FARP1: variants seen among roughly 807,000 people sequenced by gnomAD.
FARP1 encodes the protein FERM, ARHGEF and pleckstrin domain-containing protein 1.
In FARP1, 52 loss-of-function variants were observed where a neutral mutation model predicts 128.8. That is an observed-to-expected ratio of 0.40 (90% CI 0.32 to 0.51). The LOEUF (loss-of-function observed/expected upper bound fraction) is 0.51. Ranked by LOEUF, FARP1 falls within the 20% of genes least tolerant of loss-of-function variation. The pLI is 0.45. For synonymous variants in FARP1, 580 were observed against 551.8 expected, an observed-to-expected ratio of 1.05 and a Z score of -0.72; for missense variants, 1,333 against 1,367.9, an observed-to-expected ratio of 0.97 and a Z score of 0.40.
chr13:98,295,270 A>G lies in FARP1; in HGVS notation c.172-48492A>G, dbSNP rs1885636370. Among the ~76,000 whole-genome samples, 3 of 152,064 alleles carry G rather than the reference A, an allele frequency of 2.0e-5. No homozygotes were observed. The South Asian group carries it at 6.2e-4, about 32-fold the overall frequency. ...TATTAAATTTTAGGGCAGGAATCGT[A>G]AATTGATTTTTATTCCACTGCCAAG... On this transcript the variant is annotated intron_variant, in intron 2 of 26. Transcript: ENST00000319562.
intron 11 of FARP1, among the ~76,000 whole-genome samples, chr13:98,392,210 C>A (rs1890330320): frequency 6.6e-6 from 1 of 150,636 alleles, no homozygotes; most frequent in Non-Finnish European, 1.5e-5. Context: ...GGAGGCCGGG[C>A]ACAATGGCAC....
At chr13:98,438,679 G>A in intron 19 of FARP1, 125 bp from the exon 20 acceptor site, 1 of 718,828 alleles carries the variant, frequency 1.4e-6, no homozygotes, top group Non-Finnish European at 2.4e-6. Flanking sequence ...GTCCGTTCTT[G>A]GGGTCTGCAC....
intron 2 of FARP1, among the ~76,000 whole-genome samples, chr13:98,235,625 C>T (rs954074248): frequency 7.8e-4 from 119 of 152,212 alleles, no homozygotes; most frequent in African/African-American, 2.6e-3. Context: ...TTTAAGTACA[C>T]GTTTCACTAG....
chr13:98,392,295 G>C (rs963957630), intron 11 of FARP1, among the ~76,000 whole-genome samples: 21 of 146,282 alleles, frequency 1.4e-4, no homozygotes, highest in Non-Finnish European at 2.5e-4. Context: ...GACCAGCCTG[G>C]GTAACATGAC....
At chr13:98,415,437 ATGAATGAATGAG>A (rs57685767) in intron 16 of FARP1, among the ~76,000 whole-genome samples, 22,280 of 152,088 alleles carry the variant, frequency 0.15, 2,270 homozygotes, top group East Asian at 0.3. Flanking sequence ...GAATATATTA[ATGAATGAATGAG>A]TGAATGAATG....
At position 98,451,876 on chromosome 13, in the gene FARP1, T is replaced by C. The variant is rs1329703738; in HGVS notation, c.*3559T>C. The C allele has an allele frequency of 1.3e-5, 2 of 152,148 alleles. No homozygotes were observed. The highest frequency in any genetic ancestry group is 1.3e-4 in the Admixed American group (2 of 15,284). The allele number at this position is 152,148 out of a possible 1,614,324, so 9.4% of individuals were successfully genotyped here. A position where few individuals can be genotyped will look rare whatever the true frequency, so the allele number is the denominator to read the frequency against. ...ACACTGGCTGCCTGCCTAGCAAGCA[T>C]AGGCCCCTTCCAGAGAAGCAAAATA... On this transcript the variant is annotated 3_prime_UTR_variant, in exon 27 of 27. Transcript: ENST00000319562.
intron 1 of FARP1, among the ~76,000 whole-genome samples, chr13:98,189,101 G>A (rs1170892904): frequency 6.6e-6 from 1 of 152,148 alleles, no homozygotes; most frequent in Admixed American, 6.5e-5. Context: ...CCCGGGCTGG[G>A]TTGCCTGATG....
intron 3 of FARP1, 102 bp downstream of exon 3, chr13:98,343,968 G>A: frequency 1.3e-6 from 1 of 799,982 alleles, no homozygotes. Flanking sequence ...ATATTTTCAT[G>A]CTGTCTGTTT....
intron 2 of FARP1, among the ~76,000 whole-genome samples, chr13:98,277,513 T>A (rs995891717): frequency 5.9e-5 from 9 of 152,222 alleles, no homozygotes; most frequent in Middle Eastern, 3.4e-3. Flanking sequence ...GTCCACATAA[T>A]TGGTTCTGCT....
At position 98,202,908 on chromosome 13, in the gene FARP1, C is replaced by T. The variant is rs1268758416; in HGVS notation, c.-23-10312C>T. Among the ~76,000 whole-genome samples the T allele has an allele frequency of 9.9e-5, 15 of 151,890 alleles. No homozygotes were observed. In the East Asian group the frequency reaches 1.7e-3, roughly 18 times the overall value. On this transcript the variant is annotated intron_variant, in intron 1 of 26. Coordinates refer to ENST00000319562, the MANE Select transcript of FARP1 (RefSeq NM_005766.4). ...GTAGTTTTTAAATTTTTTGTGGAGA[C>T]GGGGTTTTGCTATGTTGCCTAGACT...
intron 13 of FARP1, chr13:98,396,372 T>C: frequency 2.5e-6 from 1 of 399,168 alleles, no homozygotes; most frequent in South Asian, 1.3e-4. Flanking sequence ...CCCTCATATT[T>C]GGTAACCCCG....
chr13:98,383,276 T>C (rs1889960820), intron 6 of FARP1, among the ~76,000 whole-genome samples: 1 of 152,246 alleles, frequency 6.6e-6, no homozygotes, highest in Non-Finnish European at 1.5e-5. Flanking sequence ...CGTGCCCCCA[T>C]TTCTGTGCCA....
chr13:98,440,972 A>G, intron 24 of FARP1, 136 bp downstream of exon 24: 1 of 869,828 alleles, frequency 1.1e-6, no homozygotes, highest in Non-Finnish European at 1.8e-6. Context: ...TGAGCAGGGA[A>G]GGATCAACAC....
intron 1 of FARP1, among the ~76,000 whole-genome samples, chr13:98,163,084 A>G (rs1185054362): frequency 6.6e-6 from 1 of 152,206 alleles, no homozygotes; most frequent in Non-Finnish European, 1.5e-5. Flanking sequence ...ATTCCCATCA[A>G]TGACAGATTG....
intron 4 of FARP1, among the ~76,000 whole-genome samples, 195 bp from the exon 5 acceptor site, chr13:98,367,920 ATC>A (rs1475018245): frequency 6.6e-6 from 1 of 152,150 alleles, no homozygotes; most frequent in South Asian, 2.1e-4. Context: ...TTAAAAATGG[ATC>A]TCTCTTTCCC....
intron 2 of FARP1, among the ~76,000 whole-genome samples, chr13:98,300,867 A>G (rs1386027110): frequency 1.3e-5 from 2 of 152,136 alleles, no homozygotes; most frequent in Non-Finnish European, 2.9e-5. Context: ...TGGGGGCTCC[A>G]TGGCCTTGGA....
chr13:98,393,511 C>T (rs758366377), intron 11 of FARP1, 132 bp from the exon 12 acceptor site: 10 of 674,656 alleles, frequency 1.5e-5, no homozygotes, highest in African/African-American at 1.1e-4. Flanking sequence ...TTTGTAAAGG[C>T]GGCTCTGGGT....
intron 1 of FARP1, among the ~76,000 whole-genome samples, chr13:98,202,612 T>TTATG (rs141124040): frequency 0.014 from 2,204 of 152,330 alleles, 24 homozygotes; most frequent in Middle Eastern, 0.079. Flanking sequence ...CTCACTCGAT[T>TTATG]TATGCTCTCA....
chr13:98,316,636 G>A (rs571811308), intron 2 of FARP1, among the ~76,000 whole-genome samples: 1 of 152,166 alleles, frequency 6.6e-6, no homozygotes, highest in African/African-American at 2.4e-5. Context: ...TCCTTGCGTT[G>A]TAACACAGCT....
Sources: allele counts gnomAD v4.1 joint callset (sites outside exome capture counted in the v4.1 genomes callset), GRCh38; gene constraint gnomAD v4.1.1; transcripts MANE v1.5; gene names NCBI Gene and HGNC (gene_info 2026-07-23, HGNC 2026-07-21).